Variants in NRG1 observed in about 807,000 individuals in gnomAD.
NRG1 encodes the protein pro-neuregulin-1, membrane-bound isoform.
A neutral mutation model predicts 63.8 loss-of-function variants in NRG1; 18 were observed. The ratio of observed to expected loss-of-function variants is 0.28; its 90% CI spans 0.19 to 0.42. NRG1 has a LOEUF of 0.42. Ranked by LOEUF, NRG1 falls within the 10% of genes least tolerant of loss-of-function variation. The pLI, the probability that NRG1 is intolerant of heterozygous loss-of-function variation, is 1.00. For synonymous variants in NRG1, 302 were observed against 301.3 expected (o/e 1.00, Z -0.02); for missense variants, 762 against 814.7 (o/e 0.94, Z 0.79).
chr8:32,523,864 AAC>A (rs1224140118), intron 1 of NRG1, among the ~76,000 whole-genome samples: 14 of 152,170 alleles, frequency 9.2e-5, no homozygotes, highest in South Asian at 4.2e-4. Flanking sequence ...CTAACTAACT[AAC>A]TAAATAAATA....
At chr8:32,378,995 A>ACATTT (rs1285137127) in intron 1 of NRG1, among the ~76,000 whole-genome samples, 1 of 152,154 alleles carries the variant, frequency 6.6e-6, no homozygotes, top group African/African-American at 2.4e-5. Context: ...TATATGTGCC[A>ACATTT]CATTTTCTTA....
chr8:32,416,836 C>CCACCTGTGCACCACAGGTG (rs1277364886), intron 1 of NRG1, among the ~76,000 whole-genome samples: 4 of 152,116 alleles, frequency 2.6e-5, no homozygotes, highest in Admixed American at 2.6e-4. Flanking sequence ...CACAGGTGCA[C>CCACCTGTGCACCACAGGTG]CACCACGCTT....
rs888356081 is a variant in NRG1, at chr8:32,620,642, T to G, written c.502+3757T>G. Among the ~76,000 whole-genome samples the G allele has an allele frequency of 4.6e-5, 7 of 151,774 alleles. No individual in the cohort carries two copies. The South Asian group carries it at 6.3e-4, about 14-fold the overall frequency. ...GTTCGAGACTAGTCTGGGCAACACA[T>G]TGAGACCTCATCTCTATAAAAAAAT... On this transcript the variant is annotated intron_variant, in intron 5 of 11. Transcript: ENST00000356819.
intron 1 of NRG1, among the ~76,000 whole-genome samples, chr8:32,326,599 G>A (rs532330297): frequency 6.6e-6 from 1 of 152,152 alleles, no homozygotes; most frequent in South Asian, 2.1e-4. Context: ...AAAGTTCTGG[G>A]ACTACAGGCA....
chr8:32,649,251 C>T (rs1854447096), intron 5 of NRG1, among the ~76,000 whole-genome samples: 1 of 151,078 alleles, frequency 6.6e-6, no homozygotes, highest in South Asian at 2.1e-4. Flanking sequence ...AGAGAGCCCA[C>T]GCTCTTAAAA....
chr8:32,469,315 C>T (rs1823479082), intron 1 of NRG1, among the ~76,000 whole-genome samples: 1 of 152,144 alleles, frequency 6.6e-6, no homozygotes, highest in South Asian at 2.1e-4. Context: ...GTCAAGAAGA[C>T]AGTGAAGTGG....
intron 1 of NRG1, among the ~76,000 whole-genome samples, chr8:32,074,151 CTT>C (rs1466980961): frequency 2.0e-5 from 3 of 152,120 alleles, no homozygotes; most frequent in Non-Finnish European, 4.4e-5. Flanking sequence ...CTAAATATAA[CTT>C]ATTAATTTCT....
chr8:31,765,386 A>T (rs981905828), intron 1 of NRG1, among the ~76,000 whole-genome samples: 1 of 152,140 alleles, frequency 6.6e-6, no homozygotes, highest in Non-Finnish European at 1.5e-5. Flanking sequence ...AAGCAGTGAG[A>T]GCAGAAATGC....
At chr8:32,559,752 T>G (rs1394995786) in intron 1 of NRG1, among the ~76,000 whole-genome samples, 1 of 151,816 alleles carries the variant, frequency 6.6e-6, no homozygotes, top group Non-Finnish European at 1.5e-5. Flanking sequence ...TTCCCAGCAC[T>G]TTGAGGGGCT....
chr8:32,085,475 C>A (rs1002375066), intron 1 of NRG1, among the ~76,000 whole-genome samples: 1 of 152,186 alleles, frequency 6.6e-6, no homozygotes, highest in African/African-American at 2.4e-5. Flanking sequence ...AGCTACAGCT[C>A]CTCTCTAACA....
chr8:32,358,965 GTTTGTTTTGT>G (rs754891414), intron 1 of NRG1, among the ~76,000 whole-genome samples: 6 of 152,098 alleles, frequency 3.9e-5, no homozygotes, highest in African/African-American at 9.7e-5. Flanking sequence ...GTGAGGTAGG[GTTTGTTTTGT>G]TTTGTTTTGT....
chr8:32,340,644 C>T (rs764709360), intron 1 of NRG1, among the ~76,000 whole-genome samples: 3 of 152,202 alleles, frequency 2.0e-5, no homozygotes, highest in African/African-American at 4.8e-5. Flanking sequence ...TCATTTCAAG[C>T]TCCTGGATTC....
chr8:32,724,709 C>T (rs1821626919), intron 5 of NRG1, among the ~76,000 whole-genome samples: 1 of 152,146 alleles, frequency 6.6e-6, no homozygotes, highest in African/African-American at 2.4e-5. Context: ...ACTCAGGTAA[C>T]ACTTCGCATC....
intron 1 of NRG1, among the ~76,000 whole-genome samples, chr8:31,652,246 A>T (rs1804924394): frequency 6.6e-6 from 1 of 152,204 alleles, no homozygotes; most frequent in Admixed American, 6.5e-5. Context: ...TACGTCCTTA[A>T]CAAATCTCAG....
chr8:32,058,804 A>G (rs1286039741), intron 1 of NRG1, among the ~76,000 whole-genome samples: 1 of 152,032 alleles, frequency 6.6e-6, no homozygotes, highest in African/African-American at 2.4e-5. Context: ...GATGACTTGC[A>G]ATATTTTCTC....
chr8:32,206,046 A>G (rs1043296658), intron 1 of NRG1, among the ~76,000 whole-genome samples: 2 of 152,098 alleles, frequency 1.3e-5, no homozygotes, highest in African/African-American at 4.8e-5. Context: ...CAAGGTTACA[A>G]TGAGCTATGA....
At chr8:31,679,012 T>C (rs928626984) in intron 1 of NRG1, among the ~76,000 whole-genome samples, 3 of 151,960 alleles carry the variant, frequency 2.0e-5, no homozygotes, top group Non-Finnish European at 4.4e-5. Context: ...TTTACATTTG[T>C]AAGTTAATCT....
intron 1 of NRG1, among the ~76,000 whole-genome samples, chr8:32,368,584 A>T (rs146794679): frequency 6.6e-6 from 1 of 152,270 alleles, no homozygotes; most frequent in Non-Finnish European, 1.5e-5. Context: ...AGCAAAACAA[A>T]AGAAAGTACT....
At chr8:32,695,521 T>G (rs887687679) in intron 5 of NRG1, among the ~76,000 whole-genome samples, 5 of 152,224 alleles carry the variant, frequency 3.3e-5, no homozygotes, top group African/African-American at 1.2e-4. Flanking sequence ...AATGGCATTT[T>G]CTGTACTGAG....
Sources: allele counts gnomAD v4.1 joint callset (sites outside exome capture counted in the v4.1 genomes callset), GRCh38; gene constraint gnomAD v4.1.1; transcripts MANE v1.5; gene names NCBI Gene and HGNC (gene_info 2026-07-23, HGNC 2026-07-21).